XKR3: variants seen among roughly 807,000 people sequenced by gnomAD.
The protein encoded by XKR3 is XK related 3.
A neutral mutation model predicts 40.3 loss-of-function variants in XKR3; 27 were observed. The ratio of observed to expected loss-of-function variants is 0.67; its 90% CI spans 0.49 to 0.92. The LOEUF (loss-of-function observed/expected upper bound fraction) is 0.92. Ranked by LOEUF, XKR3 falls within the 40% of genes least tolerant of loss-of-function variation. XKR3 has a pLI of 0.00. For missense variants in XKR3, 472 were observed against 537.6 expected (o/e 0.88, Z 1.21); for synonymous variants, 193 against 195.4 (o/e 0.99, Z 0.10).
At chr22:16,797,417 G>A (rs947462945) in intron 3 of XKR3, among the ~76,000 whole-genome samples, 3 of 152,266 alleles carry the variant, frequency 2.0e-5, no homozygotes, top group Middle Eastern at 3.4e-3. Context: ...ATTTGCAAAC[G>A]ATGCATCCAG....
At position 16,795,160 on chromosome 22, in the gene XKR3, G is replaced by A. The variant is rs376334869; in HGVS notation, c.589+4611C>T. Among the ~76,000 whole-genome samples the A allele has an allele frequency of 3.0e-3, 454 of 152,120 alleles. 1 individual carries two copies. Among genetic ancestry groups the A allele is most frequent in the African/African-American group, 9.9e-3 (410 of 41,504 alleles). ...GATGGACTCTGAGCAATTTACTAAG[G>A]CAAGCCTCATTAAATTCAAAAGAAA... is the stretch of plus-strand genomic sequence containing the variant. On this transcript the variant is annotated intron_variant, in intron 3 of 3. Coordinates refer to ENST00000684488, the MANE Select transcript of XKR3 (RefSeq NM_001386955.1).
chr22:16,813,440 A>G (rs1744588153), intron 1 of XKR3, among the ~76,000 whole-genome samples: 1 of 152,164 alleles, frequency 6.6e-6, no homozygotes, highest in African/African-American at 2.4e-5. Flanking sequence ...CTGGCTTGCC[A>G]TTCTGTCCGA....
Position 16,801,440 on chromosome 22 carries a change from G to A in XKR3, c.336-1416C>T, listed in dbSNP as rs146409482. On this transcript the variant is annotated intron_variant, in intron 2 of 3. Transcript: ENST00000684488. Reference sequence around the variant, plus strand: ...ATGCCTGTAGGTAGTCCCAGTTATTGCTGAGGCAGGAGTATCGCTTGAGCC... The same window carrying A: ...ATGCCTGTAGGTAGTCCCAGTTATTACTGAGGCAGGAGTATCGCTTGAGCC... Among the ~76,000 whole-genome samples, 523 of 152,258 alleles carry A rather than the reference G, an allele frequency of 3.4e-3. 1 individual carries two copies. The highest frequency in any genetic ancestry group is 5.8e-3 in the Non-Finnish European group (392 of 68,020).
At chr22:16,803,934 C>A (rs542197313) in intron 2 of XKR3, among the ~76,000 whole-genome samples, 5 of 152,240 alleles carry the variant, frequency 3.3e-5, no homozygotes, top group Admixed American at 2.0e-4. Flanking sequence ...GTGGACTTGC[C>A]CTGAATTTTT....
chr22:16,792,838 T>G (rs9606468), intron 3 of XKR3, among the ~76,000 whole-genome samples: 2 of 152,042 alleles, frequency 1.3e-5, no homozygotes, highest in African/African-American at 4.8e-5. Context: ...TCCTTTTACA[T>G]GTTGCAACCA....
At chr22:16,795,282 A>C (rs1272374698) in intron 3 of XKR3, among the ~76,000 whole-genome samples, 6 of 152,246 alleles carry the variant, frequency 3.9e-5, no homozygotes, top group Admixed American at 1.3e-4. Flanking sequence ...CAGGGAAATC[A>C]AACAACTTAC....
At chr22:16,812,065 A>G (rs1468952734) in intron 1 of XKR3, among the ~76,000 whole-genome samples, 1 of 152,116 alleles carries the variant, frequency 6.6e-6, no homozygotes, top group Non-Finnish European at 1.5e-5. Context: ...AAGGTTTAAT[A>G]TTTAGGGGCA....
chr22:16,806,197 T>C (rs1448307039), intron 2 of XKR3, among the ~76,000 whole-genome samples: 1 of 149,950 alleles, frequency 6.7e-6, no homozygotes, highest in African/African-American at 2.5e-5. Flanking sequence ...AGGCAGAGGT[T>C]GCAGTGAGCC....
At chr22:16,824,096 A>C (rs982502417) in intron 1 of XKR3, among the ~76,000 whole-genome samples, 1 of 152,208 alleles carries the variant, frequency 6.6e-6, no homozygotes, top group Non-Finnish European at 1.5e-5. Context: ...TCTTCAAATG[A>C]ATAGATGAGA....
chr22:16,811,624 AT>A (rs1398211914), intron 1 of XKR3, among the ~76,000 whole-genome samples: 1 of 152,182 alleles, frequency 6.6e-6, no homozygotes, highest in African/African-American at 2.4e-5. Context: ...TGTAAGTTAT[AT>A]TCTTCACGTG....
chr22:16,791,380 T>C lies in XKR3; in HGVS notation c.590-6971A>G, dbSNP rs1479537368. 4.0e-5 allele frequency among the ~76,000 whole-genome samples: 6 copies of C among 151,898 alleles called. No homozygotes were observed. In the East Asian group the frequency reaches 1.2e-3, roughly 29 times the overall value. On this transcript the variant is annotated intron_variant, in intron 3 of 3. Coordinates refer to ENST00000684488, the MANE Select transcript of XKR3 (RefSeq NM_001386955.1). The stretch of plus-strand genomic sequence containing the variant: ...TGGTTACCAGAGACTAGAGTGGTTA[T>C]AGGAAAAGAAAGAATGAGGAGAATT...
intron 1 of XKR3, among the ~76,000 whole-genome samples, chr22:16,809,243 T>G (rs2060203040): frequency 6.6e-6 from 1 of 152,208 alleles, no homozygotes; most frequent in African/African-American, 2.4e-5. Flanking sequence ...CCTTTATCTA[T>G]ATGCACTTAT....
At position 16,784,398 on chromosome 22, in the gene XKR3, T is replaced by G; in HGVS notation, c.601A>C (p.Thr201Pro). Residue 201 changes from threonine to proline, a missense_variant, in exon 4 of 4, where the codon ACA becomes CCA. By Grantham distance (38) the Thr-to-Pro change is conservative. Transcript: ENST00000684488. The part of the protein sequence containing the change: ...EWPLNRALLM[T>P]FSLLSVTYGA... ...TAAGTAACTGATAACAGGGAAAATG[T>G]CATCAGCAATGCTATTAAAGACAAA... 6.3e-7 allele frequency: 1 copy of G among 1,595,312 alleles called. No homozygotes were observed. Among genetic ancestry groups the G allele is most frequent in the Non-Finnish European group, 8.5e-7 (1 of 1,172,250 alleles).
chr22:16,797,377 A>G (rs1254910985), intron 3 of XKR3, among the ~76,000 whole-genome samples: 1 of 152,232 alleles, frequency 6.6e-6, no homozygotes, highest in Non-Finnish European at 1.5e-5. Context: ...TAAACAGAGC[A>G]AACAGACAAC....
rs2146168089 is a variant in XKR3 at position 16,807,681 on chromosome 22, T to C, written c.335+58A>G. On this transcript the variant is annotated intron_variant, in intron 2 of 3. Coordinates refer to ENST00000684488, the MANE Select transcript of XKR3 (RefSeq NM_001386955.1). ...GGCATCCTTAATCTTTTTAGCCATC[T>C]ATTTATATTCAATTTACTTGTTGGA... 2.9e-6 allele frequency: 4 copies of C among 1,382,958 alleles called. No individual in the cohort carries two copies. The East Asian group carries it at 9.2e-5, about 32-fold the overall frequency. The allele number at this position is 1,382,958 out of a possible 1,614,324, so 85.7% of individuals were successfully genotyped here.
chr22:16,791,431 CAGAT>C lies in XKR3; in HGVS notation c.590-7026_590-7023del, dbSNP rs2060115342. On this transcript the variant is annotated intron_variant, in intron 3 of 3. Coordinates refer to ENST00000684488, the MANE Select transcript of XKR3 (RefSeq NM_001386955.1). ...TTATCAAAAGATTTATAATTACAGT[CAGAT>C]AGGAGTAATAAATTTAAAGAGATCT... 2.6e-5 allele frequency among the ~76,000 whole-genome samples: 4 copies of C among 151,410 alleles called. No homozygotes were observed. The South Asian group carries it at 6.3e-4, about 24-fold the overall frequency.
chr22:16,817,893 A>G lies in XKR3; in HGVS notation c.-11+7398T>C, dbSNP rs543143789. ...ATTTGTTACTTAACAAATAAAACCT[A>G]TGAAAAGCCATTATTACTATATCCC... On this transcript the variant is annotated intron_variant, in intron 1 of 3. Coordinates refer to ENST00000684488, the MANE Select transcript of XKR3 (RefSeq NM_001386955.1). Among the ~76,000 whole-genome samples the G allele has an allele frequency of 7.9e-5, 12 of 152,310 alleles. No individual in the cohort carries two copies. The South Asian group carries it at 2.3e-3, about 29-fold the overall frequency.
chr22:16,797,530 C>G (rs1472768479), intron 3 of XKR3, among the ~76,000 whole-genome samples: 1 of 152,102 alleles, frequency 6.6e-6, no homozygotes, highest in Non-Finnish European at 1.5e-5. Context: ...CAGTGGCTCG[C>G]GCCTGTAATC....
Position 16,784,312 on chromosome 22 carries a change from CTTAAT to C in XKR3, c.682_686del (p.Ile228AlafsTer68). ...CACAGAAGAATTCTATCGGCGGTAG[CTTAAT>C]GGTAGTATCATCATTGCTGATCTGG... On this transcript the variant is annotated frameshift_variant, in exon 4 of 4. Coordinates refer to ENST00000684488, the MANE Select transcript of XKR3 (RefSeq NM_001386955.1). LOFTEE classifies it high-confidence loss of function. 1.9e-6 allele frequency: 3 copies of C among 1,614,176 alleles called. No homozygotes were observed. Among genetic ancestry groups the C allele is most frequent in the Non-Finnish European group, 2.5e-6 (3 of 1,180,038 alleles).
Sources: gnomAD v4.1 joint callset for allele counts (sites outside exome capture counted in the v4.1 genomes callset) on GRCh38, gnomAD v4.1.1 for gene constraint, MANE v1.5 for transcripts, NCBI Gene and HGNC (gene_info 2026-07-23, HGNC 2026-07-21) for gene names.